Variants in NAV2 observed in about 807,000 individuals in gnomAD.
NAV2 encodes helicase, APC down-regulated 1.
Under a neutral mutation model 223.2 loss-of-function variants are expected in NAV2, and 54 were observed. The ratio of observed to expected loss-of-function variants is 0.24; its 90% confidence interval spans 0.19 to 0.30. The LOEUF is 0.30. Ranked by LOEUF, NAV2 falls within the 10% of genes least tolerant of loss-of-function variation. NAV2 has a pLI of 1.00. For synonymous variants in NAV2, 1,279 were observed against 1,239.3 expected, an observed-to-expected ratio of 1.03 and a Z score of -0.67; for missense variants, 2,806 against 3,147.5, an observed-to-expected ratio of 0.89 and a Z score of 2.60.
At chr11:19,547,452 T>C (rs1229755491) in intron 1 of NAV2, among the ~76,000 whole-genome samples, 1 of 152,232 alleles carries the variant, frequency 6.6e-6, no homozygotes, top group East Asian at 1.9e-4. Context: ...AGCTGATTTT[T>C]TCCCTTTCTT....
At chr11:19,974,649 T>C (rs2049550133) in intron 10 of NAV2, among the ~76,000 whole-genome samples, 1 of 152,174 alleles carries the variant, frequency 6.6e-6, no homozygotes, top group African/African-American at 2.4e-5. Flanking sequence ...CATGGTGGCA[T>C]GCGCCTGTAG....
chr11:19,472,264 T>A (rs187581823), intron 1 of NAV2, among the ~76,000 whole-genome samples: 1 of 152,096 alleles, frequency 6.6e-6, no homozygotes, highest in African/African-American at 2.4e-5. Context: ...GATTCCAAAG[T>A]AAGGTTCTTG....
intron 1 of NAV2, among the ~76,000 whole-genome samples, chr11:19,782,217 A>G (rs1444839595): frequency 6.6e-6 from 1 of 152,186 alleles, no homozygotes; most frequent in African/African-American, 2.4e-5. Context: ...TTCCATATGC[A>G]TTTCCGCTGT....
At chr11:19,444,983 A>G (rs1364495177) in intron 1 of NAV2, among the ~76,000 whole-genome samples, 2 of 152,176 alleles carry the variant, frequency 1.3e-5, no homozygotes, top group Non-Finnish European at 2.9e-5. Context: ...AAAGTTCAAT[A>G]AAAGTTAACT....
intron 1 of NAV2, among the ~76,000 whole-genome samples, chr11:19,823,463 C>T (rs1304481349): frequency 1.3e-5 from 2 of 152,206 alleles, no homozygotes; most frequent in Non-Finnish European, 2.9e-5. Context: ...CTACCTTGGC[C>T]TCCCAAAGTG....
chr11:19,394,397 T>A (rs547458190), intron 1 of NAV2, among the ~76,000 whole-genome samples: 1 of 152,352 alleles, frequency 6.6e-6, no homozygotes, highest in South Asian at 2.1e-4. Flanking sequence ...TTCACTCATT[T>A]GTTTCTTTAG....
chr11:19,815,108 T>A (rs2059027463), intron 1 of NAV2, among the ~76,000 whole-genome samples: 1 of 152,120 alleles, frequency 6.6e-6, no homozygotes. Flanking sequence ...ATAAGAACGA[T>A]GTGGGTATGA....
chr11:20,040,591 C>T lies in NAV2; in HGVS notation c.2908-3390C>T, dbSNP rs917198020. On this transcript the variant is annotated intron_variant, in intron 12 of 37. Coordinates refer to ENST00000349880, the MANE Select transcript of NAV2 (RefSeq NM_145117.5). Reference sequence around the variant, plus strand: ...CCCACATCATGCTCCTCAGGCCTCACCTCTTGCTCTCAGAAGACTGGCCTC... The same window carrying T: ...CCCACATCATGCTCCTCAGGCCTCATCTCTTGCTCTCAGAAGACTGGCCTC... 3.9e-5 allele frequency among the ~76,000 whole-genome samples: 6 copies of T among 152,346 alleles called. No homozygotes were observed. The South Asian group carries it at 1.2e-3, about 32-fold the overall frequency.
chr11:20,035,821 T>C, intron 11 of NAV2, 138 bp from the exon 12 acceptor site: 3 of 929,686 alleles, frequency 3.2e-6, no homozygotes, highest in South Asian at 1.7e-5. Flanking sequence ...GAGTCACATC[T>C]GAGTCAAGAG....
intron 1 of NAV2, among the ~76,000 whole-genome samples, chr11:19,616,629 T>A (rs1477990701): frequency 6.6e-6 from 1 of 151,830 alleles, no homozygotes. Context: ...CGTGCCCTGA[T>A]GATGGGGAGG....
chr11:19,709,510 G>A (rs2049794176), upstream of NAV2, among the ~76,000 whole-genome samples: 1 of 131,694 alleles, frequency 7.6e-6, no homozygotes, highest in South Asian at 2.4e-4. Flanking sequence ...TCGTGCCACT[G>A]CACTCCAGCC....
chr11:19,814,553 T>C (rs1196128110), intron 1 of NAV2, among the ~76,000 whole-genome samples: 3 of 152,204 alleles, frequency 2.0e-5, no homozygotes, highest in Admixed American at 6.5e-5. Flanking sequence ...AGACAGTTAC[T>C]GTAACTCAGG....
intron 4 of NAV2, 55 bp from the exon 5 acceptor site, chr11:19,879,814 A>G (rs1453598906): frequency 1.6e-4 from 252 of 1,608,862 alleles, no homozygotes; most frequent in Non-Finnish European, 2.1e-4. Context: ...GAAACAGCCC[A>G]TTGAACAGGA....
At chr11:19,417,885 C>T (rs746813782) in intron 1 of NAV2, among the ~76,000 whole-genome samples, 2 of 152,158 alleles carry the variant, frequency 1.3e-5, no homozygotes, top group Non-Finnish European at 2.9e-5. Flanking sequence ...AAACCAAACA[C>T]CACATGTTCT....
intron 9 of NAV2, 142 bp downstream of exon 9, chr11:19,946,651 C>A: frequency 1.4e-6 from 1 of 723,190 alleles, no homozygotes; most frequent in Non-Finnish European, 2.3e-6. Flanking sequence ...CAAAGAATGC[C>A]ATATGACATG....
At chr11:20,071,106 G>GCCCCCCCCCCCCCC (rs35206561) in intron 22 of NAV2, among the ~76,000 whole-genome samples, 2 of 128,372 alleles carry the variant, frequency 1.6e-5, no homozygotes, top group Admixed American at 8.5e-5. Flanking sequence ...CCCTCCCCTA[G>GCCCCCCCCCCCCCC]CCCCCCACCC....
At chr11:19,582,034 C>A (rs2045735798) in intron 1 of NAV2, among the ~76,000 whole-genome samples, 2 of 152,288 alleles carry the variant, frequency 1.3e-5, no homozygotes, top group Middle Eastern at 3.4e-3. Flanking sequence ...CTGTTGTTTC[C>A]TGACTTTTTA....
chr11:19,779,019 T>C lies in NAV2; in HGVS notation c.268-53465T>C, dbSNP rs563154867. Among the ~76,000 whole-genome samples the C allele has an allele frequency of 2.6e-5, 4 of 152,288 alleles. No homozygotes were observed. In the South Asian group the frequency reaches 6.2e-4, roughly 24 times the overall value. ...CCTCCCAGGGGATGGCTTCTGGAGCTTGGTGGCAGGTGGCCATGGTAAGGG... is the reference window on the plus strand; with the variant it reads ...CCTCCCAGGGGATGGCTTCTGGAGCCTGGTGGCAGGTGGCCATGGTAAGGG... On this transcript the variant is annotated intron_variant, in intron 1 of 37. Transcript: ENST00000349880.
At chr11:19,354,142 A>C (rs1853480781) in intron 1 of NAV2, among the ~76,000 whole-genome samples, 1 of 152,182 alleles carries the variant, frequency 6.6e-6, no homozygotes, top group South Asian at 2.1e-4. Context: ...TCATCTATTC[A>C]AGAAGTATTT....
Sources: allele counts gnomAD v4.1 joint callset (sites outside exome capture counted in the v4.1 genomes callset), GRCh38; gene constraint gnomAD v4.1.1; transcripts MANE v1.5; gene names NCBI Gene and HGNC (gene_info 2026-07-23, HGNC 2026-07-21).